DOCK9: variants seen among roughly 807,000 people sequenced by gnomAD.
DOCK9 encodes dedicator of cytokinesis 9, also known as dedicator of cytokinesis protein 9.
Under a neutral mutation model 263.3 loss-of-function variants are expected in DOCK9, and 89 were observed. The observed-to-expected ratio is 0.34, with a 90% CI of 0.28 to 0.40. The LOEUF (loss-of-function observed/expected upper bound fraction) is 0.40, where lower values mean the gene tolerates loss of function less well. Ranked by LOEUF, DOCK9 falls within the 10% of genes least tolerant of loss-of-function variation. The pLI is 1.00. For missense variants in DOCK9, 2,140 were observed against 2,603.4 expected (o/e 0.82, Z 3.87); for synonymous variants, 976 against 973.1 (o/e 1.00, Z -0.06).
At chr13:99,043,943 C>A (rs545078889) in intron 1 of DOCK9, among the ~76,000 whole-genome samples, 1 of 152,300 alleles carries the variant, frequency 6.6e-6, no homozygotes, top group Non-Finnish European at 1.5e-5. Flanking sequence ...CATACACTGC[C>A]TGGCACCAGA....
intron 27 of DOCK9, among the ~76,000 whole-genome samples, chr13:98,878,037 G>C (rs986119350): frequency 2.0e-5 from 3 of 152,150 alleles, no homozygotes; most frequent in African/African-American, 7.2e-5. Context: ...TAAAAGAGCT[G>C]ATGAAGGTAA....
chr13:98,868,364 T>G lies in DOCK9; in HGVS notation c.2957A>C (p.Gln986Pro), dbSNP rs1460720215. The change falls in exon 28 of 53, where the codon CAG becomes CCG. Residue 986 changes from glutamine to proline, a missense_variant. Transcript: ENST00000682017. ...ENSKVKLLRN[Q>P]RFPASYHHAV... Reference sequence around the variant, plus strand: ...ATGATGATAGGATGCAGGAAATCTCTGGTTTCGCAGCAACTAAAAAGAATT... The same window carrying G: ...ATGATGATAGGATGCAGGAAATCTCGGGTTTCGCAGCAACTAAAAAGAATT... The G allele has an allele frequency of 6.2e-7, 1 of 1,611,650 alleles. No homozygotes were observed.
chr13:98,851,139 A>G (rs2093557847), intron 35 of DOCK9, among the ~76,000 whole-genome samples: 1 of 152,230 alleles, frequency 6.6e-6, no homozygotes, highest in Admixed American at 6.5e-5. Context: ...AGATTGTGCC[A>G]TCTAATCCTC....
At chr13:99,061,395 A>G (rs2041184887) in intron 1 of DOCK9, among the ~76,000 whole-genome samples, 1 of 152,144 alleles carries the variant, frequency 6.6e-6, no homozygotes, top group African/African-American at 2.4e-5. Context: ...ACACTCCCTC[A>G]CTGATAGAAA....
At chr13:99,003,823 G>A (rs1882827188) in intron 1 of DOCK9, among the ~76,000 whole-genome samples, 3 of 152,108 alleles carry the variant, frequency 2.0e-5, no homozygotes, top group Non-Finnish European at 2.9e-5. Context: ...TATCCACCCT[G>A]CAGGATAAGT....
chr13:99,076,101 G>C (rs529728789), intron 1 of DOCK9, among the ~76,000 whole-genome samples: 2 of 152,230 alleles, frequency 1.3e-5, no homozygotes, highest in South Asian at 4.1e-4. Context: ...GAAAGAAATA[G>C]AAAGTAAAAG....
In DOCK9 at chr13:98,805,054, G is replaced by C; in HGVS notation, c.5670C>G (p.Thr1890=). 23 of 1,611,666 alleles carry C rather than the reference G, an allele frequency of 1.4e-5. No individual in the cohort carries two copies. The highest frequency in any genetic ancestry group is 2.0e-5 in the Non-Finnish European group (23 of 1,178,906). The part of the protein sequence containing the change: ...RFMFEMPFTQ[T]GKRQGGVEEQ... ...CTTCCACCCCGCCCTGCCTCTTCCC[G>C]GTCTGCGTAAATGGCATCTCAAACA... Residue 1890 remains threonine, a synonymous_variant, in exon 49 of 53, where the codon ACC becomes ACG. Transcript: ENST00000682017.
chr13:99,000,947 TG>T (rs2141833478), intron 1 of DOCK9, among the ~76,000 whole-genome samples: 1 of 152,302 alleles, frequency 6.6e-6, no homozygotes, highest in East Asian at 1.9e-4. Context: ...GGCAAGGCTC[TG>T]CAGTTTGGGG....
At chr13:98,966,888 A>C (rs766025562) in intron 1 of DOCK9, among the ~76,000 whole-genome samples, 10 of 152,194 alleles carry the variant, frequency 6.6e-5, no homozygotes, top group African/African-American at 1.2e-4. Context: ...TGGTTCTCTA[A>C]GTTTGGTCCT....
chr13:98,898,435 T>G (rs2047759840), intron 13 of DOCK9, among the ~76,000 whole-genome samples, 174 bp from the exon 14 acceptor site: 1 of 152,186 alleles, frequency 6.6e-6, no homozygotes, highest in Admixed American at 6.5e-5. Flanking sequence ...GCAGAGTACT[T>G]TATTTAACGC....
At chr13:99,087,438 C>T (rs1024257668), upstream of DOCK9, among the ~76,000 whole-genome samples, 13 of 152,236 alleles carry the variant, frequency 8.5e-5, no homozygotes, top group African/African-American at 2.2e-4. Flanking sequence ...CCGATTTAGC[C>T]GGTCTGCCGC....
At chr13:98,946,635 G>T (rs746312700) in intron 2 of DOCK9, among the ~76,000 whole-genome samples, 16 of 152,056 alleles carry the variant, frequency 1.1e-4, no homozygotes, top group Non-Finnish European at 1.8e-4. Context: ...CTATATCTTC[G>T]ATCTCTTCTC....
chr13:98,861,919 G>A (rs1222134258), intron 32 of DOCK9, among the ~76,000 whole-genome samples: 2 of 152,190 alleles, frequency 1.3e-5, no homozygotes, highest in African/African-American at 4.8e-5. Flanking sequence ...ATCTGACAGA[G>A]GGAGAGAAAC....
chr13:98,816,069 T>C lies in DOCK9; in HGVS notation c.5131-5778A>G, dbSNP rs559442835. On this transcript the variant is annotated intron_variant, in intron 45 of 52. Transcript: ENST00000682017. ...CCACCTATTGTATCATTTGTTCAAATATTTATCAAGCATCTACTACATGCA... is the reference window on the plus strand; with the variant it reads ...CCACCTATTGTATCATTTGTTCAAACATTTATCAAGCATCTACTACATGCA... Among the ~76,000 whole-genome samples, 5 of 152,292 alleles carry C rather than the reference T, an allele frequency of 3.3e-5. No individual in the cohort carries two copies. The South Asian group carries it at 8.3e-4, about 25-fold the overall frequency.
chr13:98,920,449 C>T (rs961513357), intron 7 of DOCK9, among the ~76,000 whole-genome samples: 3 of 152,084 alleles, frequency 2.0e-5, no homozygotes, highest in Non-Finnish European at 4.4e-5. Context: ...AATGAAGAAA[C>T]TGAGGTACAG....
rs775822351 is a variant in DOCK9 at position 98,800,405 on chromosome 13, G to C, written c.5799C>G (p.Ile1933Met). Residue 1933 changes from isoleucine to methionine, a missense_variant, in exon 50 of 53, where the codon ATC (isoleucine) becomes ATG (methionine). By Grantham distance (10) the Ile-to-Met change is conservative. Around this residue, in one of 2 missense-constraint regions of DOCK9, gnomAD observed 619 missense variants for 861.8 expected, o/e 0.72. Transcript: ENST00000682017. ...TACTCATCTCGTCAATGGCCACCTC[G>C]ATGGGGTTCAGGTCAGTGTGGTGCT... ...MYQHHTDLNP[I>M]EVAIDEMSKK... 4.3e-6 allele frequency: 7 copies of C among 1,613,856 alleles called. No individual in the cohort carries two copies. In the African/African-American group the frequency reaches 8.0e-5, roughly 18 times the overall value.
At chr13:99,014,572 T>C (rs2141964936) in intron 1 of DOCK9, among the ~76,000 whole-genome samples, 1 of 152,276 alleles carries the variant, frequency 6.6e-6, no homozygotes, top group Non-Finnish European at 1.5e-5. Context: ...CTTCTCAGTC[T>C]CAGATGGTAG....
chr13:99,052,516 T>C (rs915183191), intron 1 of DOCK9, among the ~76,000 whole-genome samples: 7 of 152,210 alleles, frequency 4.6e-5, no homozygotes, highest in Non-Finnish European at 7.3e-5. Flanking sequence ...CTGATGATTA[T>C]TGATGTTGAG....
chr13:98,919,621 G>A (rs1169364713), intron 7 of DOCK9, among the ~76,000 whole-genome samples: 1 of 152,202 alleles, frequency 6.6e-6, no homozygotes, highest in African/African-American at 2.4e-5. Context: ...TGAATCTTTT[G>A]TGAGGGGTTG....
Sources: allele counts gnomAD v4.1 joint callset (sites outside exome capture counted in the v4.1 genomes callset), GRCh38; gene constraint gnomAD v4.1.1; regional missense constraint gnomAD v4.1.1; transcripts MANE v1.5; gene names NCBI Gene and HGNC (gene_info 2026-07-23, HGNC 2026-07-21).